The following PRKCB variants were observed in gnomAD, a reference collection of about 807,000 sequenced individuals.
PRKCB encodes the protein protein kinase C beta, also known as protein kinase C beta type.
Under a neutral mutation model 81.5 loss-of-function variants are expected in PRKCB, and 13 were observed. The ratio of observed to expected loss-of-function variants is 0.16; its 90% CI spans 0.10 to 0.25. The LOEUF is 0.25. Among genes scored for constraint, PRKCB ranks in the 10% least tolerant of loss-of-function variants. The pLI is 1.00. For missense variants in PRKCB, 509 were observed against 875.7 expected (o/e 0.58, Z 5.29); for synonymous variants, 335 against 321.4 (o/e 1.04, Z -0.45).
intron 2 of PRKCB, among the ~76,000 whole-genome samples, chr16:23,864,177 A>AG (rs764113734): frequency 6.6e-6 from 1 of 152,220 alleles, no homozygotes; most frequent in Non-Finnish European, 1.5e-5. Context: ...CTTCCGAAGT[A>AG]GAGGCATTTC....
At chr16:24,012,270 A>G (rs1449519097) in intron 3 of PRKCB, among the ~76,000 whole-genome samples, 1 of 152,346 alleles carries the variant, frequency 6.6e-6, no homozygotes, top group East Asian at 1.9e-4. Context: ...AACTCATTTA[A>G]TCCTCACCCT....
intron 5 of PRKCB, among the ~76,000 whole-genome samples, chr16:24,051,599 G>A (rs1049306418): frequency 6.6e-6 from 1 of 152,150 alleles, no homozygotes; most frequent in African/African-American, 2.4e-5. Context: ...ATAGAGCCAG[G>A]TGCAGTGGCT....
intron 11 of PRKCB, among the ~76,000 whole-genome samples, chr16:24,173,305 G>T (rs1446677946): frequency 6.6e-6 from 1 of 152,094 alleles, no homozygotes; most frequent in African/African-American, 2.4e-5. Flanking sequence ...CCCCTGCTTA[G>T]GAACATGGCA....
rs372627595 is a variant in PRKCB, at chr16:24,184,683, ATGT to A, written c.1534-423_1534-421del. On this transcript the variant is annotated intron_variant, in intron 13 of 16. Transcript: ENST00000643927. ...TAAAGAAATATTAAAATAGTGACAA[ATGT>A]TGTTATCTCTTAAACGTTTTTATGT... 3.8e-3 allele frequency among the ~76,000 whole-genome samples: 577 copies of A among 152,270 alleles called. 7 individuals carry two copies. Among genetic ancestry groups the A allele is most frequent in the African/African-American group, 0.012 (516 of 41,554 alleles).
chr16:23,993,361 G>T (rs908199424), intron 3 of PRKCB, among the ~76,000 whole-genome samples: 1 of 152,136 alleles, frequency 6.6e-6, no homozygotes, highest in Non-Finnish European at 1.5e-5. Context: ...CAGTTTAGCT[G>T]GTTGGCTGAA....
intron 9 of PRKCB, among the ~76,000 whole-genome samples, chr16:24,139,736 T>G (rs902382203): frequency 6.6e-6 from 1 of 152,224 alleles, no homozygotes; most frequent in Non-Finnish European, 1.5e-5. Flanking sequence ...ATCACACAGA[T>G]CCATGCTTTT....
chr16:23,976,572 G>A (rs1269932668), intron 2 of PRKCB, among the ~76,000 whole-genome samples: 2 of 152,176 alleles, frequency 1.3e-5, no homozygotes, highest in African/African-American at 4.8e-5. Context: ...TTCCTCACAG[G>A]AGAAGCATGG....
At chr16:24,162,149 C>T (rs1054636060) in intron 10 of PRKCB, among the ~76,000 whole-genome samples, 6 of 151,936 alleles carry the variant, frequency 3.9e-5, no homozygotes, top group Non-Finnish European at 7.4e-5. Flanking sequence ...CTGGGAGGAA[C>T]GTCAATTCAG....
intron 9 of PRKCB, among the ~76,000 whole-genome samples, chr16:24,128,610 G>A (rs547600224): frequency 1.1e-4 from 16 of 152,196 alleles, no homozygotes; most frequent in Non-Finnish European, 2.2e-4. Flanking sequence ...CCAAAGCAGG[G>A]CCTGTTGGCA....
intron 3 of PRKCB, among the ~76,000 whole-genome samples, chr16:24,024,868 G>A (rs754577756): frequency 6.6e-6 from 1 of 152,192 alleles, no homozygotes; most frequent in Admixed American, 6.5e-5. Context: ...CTTGAGGGTC[G>A]TGGAGGGAGT....
At chr16:24,027,859 T>C (rs7204261) in intron 3 of PRKCB, among the ~76,000 whole-genome samples, 8,005 of 152,204 alleles carry the variant, frequency 0.053, 275 homozygotes, top group African/African-American at 0.077. Context: ...AGCCTTGAAC[T>C]CTTGGGTTCA....
At chr16:24,033,954 A>G (rs139990696) in intron 4 of PRKCB, among the ~76,000 whole-genome samples, 107 of 152,198 alleles carry the variant, frequency 7.0e-4, no homozygotes, top group African/African-American at 2.5e-3. Flanking sequence ...GAGGCCAGAG[A>G]CAAGTGCAGA....
chr16:23,838,824 C>T (rs1962214010), intron 2 of PRKCB, among the ~76,000 whole-genome samples: 1 of 152,166 alleles, frequency 6.6e-6, no homozygotes. Flanking sequence ...CCAACCTACC[C>T]AGCCTGTCTT....
intron 5 of PRKCB, among the ~76,000 whole-genome samples, chr16:24,072,799 A>G (rs190138199): frequency 2.3e-3 from 355 of 151,996 alleles, no homozygotes; most frequent in African/African-American, 7.8e-3. Context: ...CCAGGCTGAT[A>G]TCGACCTCCT....
intron 2 of PRKCB, among the ~76,000 whole-genome samples, chr16:23,911,826 A>ATT (rs58458568): frequency 1.7e-4 from 10 of 57,416 alleles, no homozygotes; most frequent in Non-Finnish European, 2.8e-4. Flanking sequence ...CGCGACCCAC[A>ATT]TTTTTTTTTT....
rs2239338 is a variant in PRKCB at position 24,218,488 on chromosome 16, G to A, written c.*3672G>A. 456,572 of 985,124 alleles carry A rather than the reference G, an allele frequency of 0.46. 106,709 individuals carry two copies. Among genetic ancestry groups the A allele is most frequent in the South Asian group, 0.56 (11,899 of 21,280 alleles). The allele number at this position is 985,124 out of a possible 1,614,324, so 61.0% of individuals were successfully genotyped here. A position where few individuals can be genotyped will look rare whatever the true frequency, so the allele number is the denominator to read the frequency against. ...ACTCTAGCCACACATACCCACGTGT[G>A]CTCCTGAGTTCAGTGTGCCCACCTC... On this transcript the variant is annotated 3_prime_UTR_variant, in exon 17 of 17. Coordinates refer to ENST00000643927, the MANE Select transcript of PRKCB (RefSeq NM_002738.7).
chr16:23,941,517 T>C (rs1964140437), intron 2 of PRKCB, among the ~76,000 whole-genome samples: 1 of 152,132 alleles, frequency 6.6e-6, no homozygotes, highest in South Asian at 2.1e-4. Flanking sequence ...AATAAAATCT[T>C]GGCAAGTTGA....
chr16:23,982,697 A>T (rs1448840459), intron 2 of PRKCB, among the ~76,000 whole-genome samples: 1 of 152,042 alleles, frequency 6.6e-6, no homozygotes, highest in African/African-American at 2.4e-5. Context: ...CCAAAGTGCT[A>T]GGATTATAGG....
intron 2 of PRKCB, among the ~76,000 whole-genome samples, chr16:23,935,074 C>T (rs375219297): frequency 2.6e-5 from 4 of 152,196 alleles, no homozygotes; most frequent in East Asian, 3.9e-4. Flanking sequence ...CAGAGCCACC[C>T]GGATGATGGG....
Sources: allele counts gnomAD v4.1 joint callset (sites outside exome capture counted in the v4.1 genomes callset), GRCh38; gene constraint gnomAD v4.1.1; transcripts MANE v1.5; gene names NCBI Gene and HGNC (gene_info 2026-07-23, HGNC 2026-07-21).